The following CEP43 variants were observed in gnomAD, a reference collection of about 807,000 sequenced individuals.
The protein encoded by CEP43 is centrosomal protein 43, also known as FGFR1 oncogene partner.
CEP43 carries 36 observed loss-of-function variants against 52.6 expected under a neutral mutation model. The ratio of observed to expected loss-of-function variants is 0.68; its 90% CI spans 0.52 to 0.90. CEP43 has a LOEUF of 0.90. Among genes scored for constraint, CEP43 ranks in the 40% least tolerant of loss-of-function variants. The probability of loss-of-function intolerance (pLI) is 0.00; values close to 1 mark genes in which losing one functional copy is unlikely to be tolerated. For missense variants in CEP43, 506 were observed against 472.8 expected (o/e 1.07, Z -0.65); for synonymous variants, 192 against 172.4 (o/e 1.11, Z -0.89).
intron 1 of CEP43, 116 bp from the exon 2 acceptor site, chr6:166,999,944 T>C (rs1439915817): frequency 6.0e-6 from 5 of 831,376 alleles, no homozygotes; most frequent in Non-Finnish European, 8.0e-6. Context: ...GTTTCTGACC[T>C]TTGCACCTGC....
rs41269611 is a variant in CEP43, at chr6:167,041,883, A to C, written c.*1905A>C. Reference sequence around the variant, plus strand: ...GTGTCACTCAGACTGGAGTACAGTGATGCGATCTCGGCTCACTGCAACCTC... The same window carrying C: ...GTGTCACTCAGACTGGAGTACAGTGCTGCGATCTCGGCTCACTGCAACCTC... On this transcript the variant is annotated 3_prime_UTR_variant, in exon 13 of 13. Coordinates refer to ENST00000366847, the MANE Select transcript of CEP43 (RefSeq NM_007045.4). 1.2e-6 allele frequency: 1 copy of C among 852,068 alleles called. No individual in the cohort carries two copies. Among genetic ancestry groups the C allele is most frequent in the Non-Finnish European group, 1.4e-6 (1 of 700,642 alleles). The allele number at this position is 852,068 out of a possible 1,614,324, so 52.8% of individuals were successfully genotyped here. A position where few individuals can be genotyped will look rare whatever the true frequency, so the allele number is the denominator to read the frequency against.
At chr6:167,028,959 A>G (rs963771615) in intron 10 of CEP43, among the ~76,000 whole-genome samples, 5 of 152,254 alleles carry the variant, frequency 3.3e-5, no homozygotes, top group Non-Finnish European at 5.9e-5. Context: ...ATAGATAGGT[A>G]CTTTGCATAT....
chr6:167,021,486 C>T (rs1464513827), intron 7 of CEP43, among the ~76,000 whole-genome samples: 1 of 152,154 alleles, frequency 6.6e-6, no homozygotes, highest in Non-Finnish European at 1.5e-5. Flanking sequence ...TAAATGTCAG[C>T]TGCTTTTATT....
chr6:167,028,574 A>G, intron 10 of CEP43: 1 of 856,892 alleles, frequency 1.2e-6, no homozygotes, highest in Non-Finnish European at 1.4e-6. Flanking sequence ...AGTAATATGT[A>G]GACAGATGTT....
chr6:167,029,833 G>A (rs982571680), intron 10 of CEP43, among the ~76,000 whole-genome samples: 1 of 152,230 alleles, frequency 6.6e-6, no homozygotes, highest in African/African-American at 2.4e-5. Context: ...TACAGGTTTT[G>A]GGATAGGTGG....
intron 12 of CEP43, among the ~76,000 whole-genome samples, chr6:167,034,398 G>T (rs1780540081): frequency 6.6e-6 from 1 of 152,214 alleles, no homozygotes; most frequent in Admixed American, 6.5e-5. Context: ...GCCAGACTGG[G>T]CTAAAATCCA....
intron 7 of CEP43, among the ~76,000 whole-genome samples, chr6:167,021,920 A>G (rs189461326): frequency 1.0e-3 from 155 of 152,310 alleles, no homozygotes; most frequent in Non-Finnish European, 1.7e-3. Flanking sequence ...ACTGATGACT[A>G]CTTTAATGCT....
intron 10 of CEP43, chr6:167,028,390 G>C: frequency 1.0e-6 from 1 of 985,336 alleles, no homozygotes; most frequent in Non-Finnish European, 1.2e-6. Context: ...GGCATATCTC[G>C]GGTTGGAATT....
intron 11 of CEP43, among the ~76,000 whole-genome samples, chr6:167,032,938 C>T (rs575571911): frequency 6.6e-6 from 1 of 152,102 alleles, no homozygotes; most frequent in South Asian, 2.1e-4. Context: ...GTTCAGTTGC[C>T]GTGTCATAAG....
At chr6:167,002,153 A>T (rs1396604519) in intron 2 of CEP43, among the ~76,000 whole-genome samples, 2 of 152,160 alleles carry the variant, frequency 1.3e-5, no homozygotes, top group Non-Finnish European at 2.9e-5. Flanking sequence ...CATATCCTTC[A>T]AACTTTTGAC....
At chr6:167,011,724 G>T in intron 6 of CEP43, 1 of 153,328 alleles carries the variant, frequency 6.5e-6, no homozygotes, top group South Asian at 1.9e-4. Flanking sequence ...GCATCACTGT[G>T]GTTAGGTCTG....
At chr6:167,017,861 C>T (rs116663880) in intron 7 of CEP43, among the ~76,000 whole-genome samples, 210 of 152,212 alleles carry the variant, frequency 1.4e-3, no homozygotes, top group African/African-American at 5.0e-3. Context: ...TGCAATAGGT[C>T]CCTCACTTTT....
intron 12 of CEP43, among the ~76,000 whole-genome samples, chr6:167,035,363 A>G (rs1780561498): frequency 6.6e-6 from 1 of 152,084 alleles, no homozygotes; most frequent in Non-Finnish European, 1.5e-5. Context: ...ACAGCAGACA[A>G]TCTGGTCACC....
intron 8 of CEP43, among the ~76,000 whole-genome samples, chr6:167,023,601 T>C (rs1780288008): frequency 6.6e-6 from 1 of 152,058 alleles, no homozygotes. Context: ...GAGCTGGAGA[T>C]GTAAATTAGG....
chr6:167,030,284 T>C (rs1353762882), intron 10 of CEP43, among the ~76,000 whole-genome samples: 2 of 152,216 alleles, frequency 1.3e-5, no homozygotes, highest in Non-Finnish European at 2.9e-5. Flanking sequence ...TCACTGGCCT[T>C]CACACATAGG....
chr6:167,004,312 A>G lies in CEP43; in HGVS notation c.349A>G (p.Ile117Val), dbSNP rs149745085. ...RENLARDLGI[I>V]EAEGTVGGPL... is the part of the protein sequence containing the mutation. The stretch of plus-strand genomic sequence containing the variant: ...GAATTTAGCCCGAGATTTAGGTATA[A>G]TTGAAGCAGAAGGTACTGTGGGTGG... The change falls in exon 5 of 13, where the codon ATT becomes GTT. Residue 117 changes from isoleucine to valine, a missense_variant. Transcript: ENST00000366847. 2 of 1,610,792 alleles carry G rather than the reference A, an allele frequency of 1.2e-6. No homozygotes were observed. Among genetic ancestry groups the G allele is most frequent in the Non-Finnish European group, 1.7e-6 (2 of 1,178,314 alleles).
chr6:167,003,956 A>C (rs1779795290), intron 4 of CEP43, 145 bp downstream of exon 4: 1 of 631,986 alleles, frequency 1.6e-6, no homozygotes, highest in East Asian at 2.8e-5. Context: ...TTTTCTTAAA[A>C]GCCATATGAG....
chr6:167,002,152 C>T lies in CEP43; in HGVS notation c.157-1041C>T, dbSNP rs113347750. On this transcript the variant is annotated intron_variant, in intron 2 of 12. Coordinates refer to ENST00000366847, the MANE Select transcript of CEP43 (RefSeq NM_007045.4). ...CAATCAAGGTACTGCGCATATCCTT[C>T]AAACTTTTGACCTTCAAAAGTTTTC... 2.3e-3 allele frequency among the ~76,000 whole-genome samples: 343 copies of T among 152,268 alleles called. 3 individuals are homozygous for T. Among genetic ancestry groups the T allele is most frequent in the African/African-American group, 7.9e-3 (327 of 41,578 alleles).
At chr6:167,013,392 C>G in intron 6 of CEP43, 116 bp from the exon 7 acceptor site, 1 of 760,708 alleles carries the variant, frequency 1.3e-6, no homozygotes, top group Non-Finnish European at 2.2e-6. Context: ...AACATATTAA[C>G]TAGATGTTCC....
Sources: allele counts gnomAD v4.1 joint callset (sites outside exome capture counted in the v4.1 genomes callset), GRCh38; gene constraint gnomAD v4.1.1; transcripts MANE v1.5; gene names NCBI Gene and HGNC (gene_info 2026-07-23, HGNC 2026-07-21).